Variants in UBE2D2 observed in about 807,000 individuals in gnomAD.
UBE2D2 encodes ubiquitin-conjugating enzyme E2 D2.
Under a neutral mutation model 24.2 loss-of-function variants are expected in UBE2D2, and 2 were observed. The ratio of observed to expected loss-of-function variants is 0.08; its 90% CI spans 0.03 to 0.26. The LOEUF is 0.26. Among genes scored for constraint, UBE2D2 ranks in the 10% least tolerant of loss-of-function variants. The pLI is 1.00. For synonymous variants in UBE2D2, 58 were observed against 56.5 expected, an observed-to-expected ratio of 1.03 and a Z score of -0.12; for missense variants, 44 against 177.6, an observed-to-expected ratio of 0.25 and a Z score of 4.28.
upstream of UBE2D2, chr5:139,561,274 C>A (rs1753074580): frequency 6.6e-6 from 1 of 152,030 alleles, no homozygotes; most frequent in African/African-American, 2.4e-5. Context: ...GCCCTCCCTC[C>A]CCTGGCCCGC....
chr5:139,582,539 C>T (rs1753626618), intron 1 of UBE2D2, among the ~76,000 whole-genome samples: 1 of 151,670 alleles, frequency 6.6e-6, no homozygotes, highest in Non-Finnish European at 1.5e-5. Context: ...TAATTTTGTT[C>T]ATGAAATAAA....
intron 1 of UBE2D2, among the ~76,000 whole-genome samples, chr5:139,532,724 G>A (rs974659362): frequency 5.9e-5 from 9 of 151,568 alleles, no homozygotes; most frequent in Non-Finnish European, 1.3e-4. Flanking sequence ...TGACCTCAAC[G>A]GATCAGCCTG....
At chr5:139,536,613 C>T (rs1752684784) in intron 1 of UBE2D2, among the ~76,000 whole-genome samples, 1 of 152,074 alleles carries the variant, frequency 6.6e-6, no homozygotes. Flanking sequence ...CCCTCAGCTT[C>T]CCAAAGTGCT....
chr5:139,589,651 G>C (rs1257979938), intron 1 of UBE2D2, among the ~76,000 whole-genome samples: 1 of 152,190 alleles, frequency 6.6e-6, no homozygotes, highest in Non-Finnish European at 1.5e-5. Flanking sequence ...TTAGAAAGTA[G>C]TGATTTATTT....
intron 2 of UBE2D2, among the ~76,000 whole-genome samples, chr5:139,601,860 A>C (rs1754085695): frequency 6.9e-6 from 1 of 145,806 alleles, no homozygotes; most frequent in Non-Finnish European, 1.5e-5. Flanking sequence ...CAGTGAGCTG[A>C]GATTGTGCCA....
intron 1 of UBE2D2, among the ~76,000 whole-genome samples, chr5:139,553,343 C>A (rs1332521454): frequency 5.3e-5 from 8 of 152,184 alleles, no homozygotes; most frequent in Non-Finnish European, 7.4e-5. Flanking sequence ...AGGGAGTTCC[C>A]AAACTGCTTG....
At chr5:139,620,029 G>C (rs1381516808) in intron 5 of UBE2D2, among the ~76,000 whole-genome samples, 2 of 152,122 alleles carry the variant, frequency 1.3e-5, no homozygotes, top group African/African-American at 4.8e-5. Context: ...GATGGGGGAG[G>C]TGCCACACAC....
chr5:139,562,239 C>T (rs924833095), intron 1 of UBE2D2: 6 of 1,366,684 alleles, frequency 4.4e-6, no homozygotes, highest in South Asian at 1.1e-5. Context: ...CCACACCTGC[C>T]CTAGCTCCCT....
intron 1 of UBE2D2, among the ~76,000 whole-genome samples, chr5:139,527,696 C>A (rs553609582): frequency 6.6e-6 from 1 of 151,616 alleles, no homozygotes; most frequent in East Asian, 1.9e-4. Flanking sequence ...TGTAATAAGT[C>A]AAAAAGTTAA....
chr5:139,566,860 T>G (rs1205910603), intron 1 of UBE2D2, among the ~76,000 whole-genome samples: 1 of 151,514 alleles, frequency 6.6e-6, no homozygotes, highest in East Asian at 1.9e-4. Context: ...TTGCAATATC[T>G]TCCATTCAAA....
At chr5:139,561,953 C>G in intron 1 of UBE2D2, 138 bp downstream of exon 1, 1 of 1,235,884 alleles carries the variant, frequency 8.1e-7, no homozygotes, top group Non-Finnish European at 1.1e-6. Flanking sequence ...GCCTCCATAC[C>G]CCACTCCCAG....
At chr5:139,613,314 G>C (rs1340025618) in intron 2 of UBE2D2, among the ~76,000 whole-genome samples, 2 of 152,150 alleles carry the variant, frequency 1.3e-5, no homozygotes, top group East Asian at 3.8e-4. Flanking sequence ...AGAGTTACCT[G>C]GTTTGGGTTG....
chr5:139,598,551 C>A (rs943745032), intron 1 of UBE2D2, among the ~76,000 whole-genome samples: 1 of 139,142 alleles, frequency 7.2e-6, no homozygotes, highest in Non-Finnish European at 1.5e-5. Flanking sequence ...GACTACAAAG[C>A]CTTTTTTTTT....
In UBE2D2 at chr5:139,555,051, G is replaced by GT. The variant is rs796934983; in HGVS notation, c.-64+28451dup. 5.1e-3 allele frequency: 719 copies of GT among 140,664 alleles called. 1 individual carries two copies. Among genetic ancestry groups the GT allele is most frequent in the African/African-American group, 0.012 (446 of 38,618 alleles). The allele number at this position is 140,664 out of a possible 1,614,324, so 8.7% of individuals were successfully genotyped here. A position where few individuals can be genotyped will look rare whatever the true frequency, so the allele number is the denominator to read the frequency against. On this transcript the variant is annotated intron_variant, in intron 1 of 6. Coordinates refer to the UBE2D2 transcript ENST00000511725. The stretch of plus-strand genomic sequence containing the variant: ...TTCCTCTTATTTTTTTTTGTTTTTT[G>GT]TTTTTTTTTTTTGAGACAGGGTCTC...
At chr5:139,612,811 T>G (rs1754351110) in intron 2 of UBE2D2, among the ~76,000 whole-genome samples, 1 of 152,220 alleles carries the variant, frequency 6.6e-6, no homozygotes, top group Non-Finnish European at 1.5e-5. Context: ...AGTCTTGTTT[T>G]TAATTTTTTT....
intron 1 of UBE2D2, among the ~76,000 whole-genome samples, chr5:139,567,975 G>A (rs899960880): frequency 6.6e-6 from 1 of 152,214 alleles, no homozygotes; most frequent in Non-Finnish European, 1.5e-5. Flanking sequence ...CTTTGAAAAT[G>A]TCTGAGATTG....
At chr5:139,604,229 C>G (rs1235393683) in intron 2 of UBE2D2, among the ~76,000 whole-genome samples, 1 of 151,490 alleles carries the variant, frequency 6.6e-6, no homozygotes, top group Non-Finnish European at 1.5e-5. Flanking sequence ...TAACCTTCGC[C>G]TCGTGGGTTC....
chr5:139,624,973 A>G (rs1443162225), intron 6 of UBE2D2, among the ~76,000 whole-genome samples: 1 of 152,162 alleles, frequency 6.6e-6, no homozygotes, highest in African/African-American at 2.4e-5. Flanking sequence ...GCTTACCAGA[A>G]GTCATTTCCC....
intron 1 of UBE2D2, among the ~76,000 whole-genome samples, chr5:139,590,782 C>A (rs375768700): frequency 2.6e-5 from 1 of 38,422 alleles, no homozygotes. Flanking sequence ...TTCTCTTCTT[C>A]TTTTTTTTTT....
Sources: gnomAD v4.1 joint callset for allele counts (sites outside exome capture counted in the v4.1 genomes callset) on GRCh38, gnomAD v4.1.1 for gene constraint, MANE v1.5 for transcripts, NCBI Gene and HGNC (gene_info 2026-07-23, HGNC 2026-07-21) for gene names.